FAM81B: variants seen among roughly 807,000 people sequenced by gnomAD.
The protein encoded by FAM81B is protein FAM81B.
In FAM81B, 60 loss-of-function variants were observed where a neutral mutation model predicts 58.7. The ratio of observed to expected loss-of-function variants is 1.02; its 90% CI spans 0.83 to 1.27. The LOEUF is 1.27. Among genes scored for constraint, FAM81B ranks in the 50% most tolerant of loss-of-function variants. FAM81B has a pLI of 0.00. For synonymous variants in FAM81B, 189 were observed against 179.6 expected (o/e 1.05, Z -0.42); for missense variants, 491 against 522.0 (o/e 0.94, Z 0.58).
intron 7 of FAM81B, among the ~76,000 whole-genome samples, chr5:95,446,355 G>T (rs1480669148): frequency 6.6e-6 from 1 of 152,040 alleles, no homozygotes; most frequent in East Asian, 1.9e-4. Context: ...ATGTAGAGGG[G>T]GTGTTAACAG....
In FAM81B at chr5:95,428,844, C is replaced by G. The variant is rs140667672; in HGVS notation, c.786+112C>G. ...AATTTTTTAAGAGAACTCTTTTCTT[C>G]CAAAGGGTGTAATTCTGACAGCTCA... On this transcript the variant is annotated intron_variant, in intron 6 of 9. Transcript: ENST00000283357. 5.7e-4 allele frequency: 808 copies of G among 1,429,892 alleles called. 3 individuals carry two copies. The highest frequency in any genetic ancestry group is 2.0e-3 in the Middle Eastern group (11 of 5,462). 88.6% of individuals were successfully genotyped at this position (1,429,892 alleles called of 1,614,324 possible). A position where few individuals can be genotyped will look rare whatever the true frequency, so the allele number is the denominator to read the frequency against.
In FAM81B at chr5:95,420,241, T is replaced by C. The variant is rs767049154; in HGVS notation, c.538-43T>C. 3.7e-6 allele frequency: 6 copies of C among 1,610,446 alleles called. No individual in the cohort carries two copies. In the African/African-American group the frequency reaches 5.3e-5, roughly 14 times the overall value. ...TGCTTTAAATGATGTTTCCTTATCATGTGTGATGGGAAATTAATGGGAAAT... is the reference window on the plus strand; with the variant it reads ...TGCTTTAAATGATGTTTCCTTATCACGTGTGATGGGAAATTAATGGGAAAT... On this transcript the variant is annotated intron_variant, in intron 4 of 9. Coordinates refer to ENST00000283357, the MANE Select transcript of FAM81B (RefSeq NM_152548.3).
In FAM81B at chr5:95,448,464, G is replaced by A; in HGVS notation, c.1225G>A (p.Gly409Arg). ...GACAATGCAGAATGAATATCAATCAGGTGAGCAGATACCTTTTATTAAGTA... is the reference window on the plus strand; with the variant it reads ...GACAATGCAGAATGAATATCAATCAAGTGAGCAGATACCTTTTATTAAGTA... ...LETMQNEYQSGFKSIHDSLSS... is the reference protein window; with the variant it reads ...LETMQNEYQSRFKSIHDSLSS... Residue 409 changes from glycine to arginine, a missense_variant and splice_region_variant, in exon 9 of 10, where the codon GGA becomes AGA. By Grantham distance (125) the Gly-to-Arg change is moderately radical. Transcript: ENST00000283357. 6.3e-7 allele frequency: 1 copy of A among 1,597,860 alleles called. No homozygotes were observed. The highest frequency in any genetic ancestry group is 2.2e-5 in the East Asian group (1 of 44,688).
chr5:95,426,523 C>T (rs1287319571), intron 5 of FAM81B, among the ~76,000 whole-genome samples: 3 of 152,116 alleles, frequency 2.0e-5, no homozygotes, highest in African/African-American at 4.8e-5. Context: ...AAATGCTTTG[C>T]GTGCATCACC....
intron 5 of FAM81B, among the ~76,000 whole-genome samples, chr5:95,422,574 C>A (rs1762715334): frequency 6.6e-6 from 1 of 151,764 alleles, no homozygotes; most frequent in African/African-American, 2.4e-5. Context: ...CCTCTGCCTC[C>A]CAGGTTCAAA....
At position 95,434,903 on chromosome 5, in the gene FAM81B, C is replaced by G. The variant is rs573858083; in HGVS notation, c.787-1897C>G. ...CACTTGTGTTAGTCCAGATCCTTTG[C>G]GAAGCAAATGCCATAAAGGAATTAA... On this transcript the variant is annotated intron_variant, in intron 6 of 9. Coordinates refer to ENST00000283357, the MANE Select transcript of FAM81B (RefSeq NM_152548.3). Among the ~76,000 whole-genome samples, 4 of 152,150 alleles carry G rather than the reference C, an allele frequency of 2.6e-5. No individual in the cohort carries two copies. In the East Asian group the frequency reaches 7.7e-4, roughly 29 times the overall value.
intron 9 of FAM81B, among the ~76,000 whole-genome samples, chr5:95,449,221 G>T (rs1408481929): frequency 1.3e-5 from 2 of 152,080 alleles, no homozygotes; most frequent in Non-Finnish European, 2.9e-5. Flanking sequence ...ATACCTTGGA[G>T]GTGCCTTGGG....
At chr5:95,405,627 C>A (rs1159639147) in intron 3 of FAM81B, among the ~76,000 whole-genome samples, 1 of 152,040 alleles carries the variant, frequency 6.6e-6, no homozygotes, top group African/African-American at 2.4e-5. Flanking sequence ...AGGTTAATTA[C>A]TTTTAAAAAG....
rs187442989 is a variant in FAM81B at position 95,426,716 on chromosome 5, T to A, written c.657-1887T>A. Among the ~76,000 whole-genome samples the A allele has an allele frequency of 2.6e-5, 4 of 152,278 alleles. No individual in the cohort carries two copies. In the East Asian group the frequency reaches 7.7e-4, roughly 29 times the overall value. On this transcript the variant is annotated intron_variant, in intron 5 of 9. Coordinates refer to ENST00000283357, the MANE Select transcript of FAM81B (RefSeq NM_152548.3). Reference sequence around the variant, plus strand: ...AGTGACCATGGCATCATTTCCCCTTTTTTTCAGATGAGGAAAACTGAAATC... The same window carrying A: ...AGTGACCATGGCATCATTTCCCCTTATTTTCAGATGAGGAAAACTGAAATC...
intron 6 of FAM81B, among the ~76,000 whole-genome samples, chr5:95,431,392 G>A (rs968912457): frequency 6.6e-6 from 1 of 151,940 alleles, no homozygotes; most frequent in Non-Finnish European, 1.5e-5. Context: ...TTTATATCTG[G>A]TAGGGCTAGT....
intron 3 of FAM81B, among the ~76,000 whole-genome samples, chr5:95,403,148 C>G (rs13171507): frequency 6.6e-6 from 1 of 152,064 alleles, no homozygotes; most frequent in Non-Finnish European, 1.5e-5. Flanking sequence ...ATCACCTATG[C>G]GCTTGCTTAA....
intron 3 of FAM81B, among the ~76,000 whole-genome samples, chr5:95,404,599 C>T (rs973682426): frequency 6.6e-6 from 1 of 151,716 alleles, no homozygotes; most frequent in Non-Finnish European, 1.5e-5. Flanking sequence ...CAAGCTGTGA[C>T]TTTATGGAGC....
At chr5:95,421,454 G>C (rs1033019268) in intron 5 of FAM81B, among the ~76,000 whole-genome samples, 1 of 152,190 alleles carries the variant, frequency 6.6e-6, no homozygotes, top group East Asian at 1.9e-4. Flanking sequence ...GGCCTACCTG[G>C]GAGAATGGCA....
chr5:95,404,422 A>G (rs1762192997), intron 3 of FAM81B, among the ~76,000 whole-genome samples: 1 of 152,160 alleles, frequency 6.6e-6, no homozygotes, highest in African/African-American at 2.4e-5. Flanking sequence ...TCCAGGTGAT[A>G]GAAAAGAAGA....
chr5:95,394,897 A>T lies in FAM81B; in HGVS notation c.229-1214A>T, dbSNP rs941040224. Among the ~76,000 whole-genome samples, 6 of 152,196 alleles carry T rather than the reference A, an allele frequency of 3.9e-5. No individual in the cohort carries two copies. In the East Asian group the frequency reaches 1.2e-3, roughly 29 times the overall value. On this transcript the variant is annotated intron_variant, in intron 2 of 9. Transcript: ENST00000283357. ...CCAATTAAGTTTCTTAAAACTTAAG[A>T]AGTAGTAATTCCTTGGGCATTTGAA... is the stretch of plus-strand genomic sequence containing the variant.
At chr5:95,427,225 C>A (rs1275895601) in intron 5 of FAM81B, among the ~76,000 whole-genome samples, 1 of 152,130 alleles carries the variant, frequency 6.6e-6, no homozygotes, top group Non-Finnish European at 1.5e-5. Flanking sequence ...GTGGTGGTAG[C>A]AGCAGCCACT....
chr5:95,415,385 A>C (rs1286807333), intron 4 of FAM81B, among the ~76,000 whole-genome samples: 1 of 152,216 alleles, frequency 6.6e-6, no homozygotes, highest in Non-Finnish European at 1.5e-5. Context: ...TTTGTTCTTA[A>C]GGGCAAGGAT....
chr5:95,442,999 T>C (rs7708307), intron 7 of FAM81B, among the ~76,000 whole-genome samples: 3,046 of 152,286 alleles, frequency 0.02, 104 homozygotes, highest in African/African-American at 0.07. Context: ...GTCAAAGCCC[T>C]ATCTAAGTTC....
intron 3 of FAM81B, among the ~76,000 whole-genome samples, chr5:95,400,436 A>G (rs1762080332): frequency 2.8e-5 from 1 of 35,220 alleles, no homozygotes; most frequent in African/African-American, 1.0e-4. Flanking sequence ...ACATACATAC[A>G]CACACACACA....
Sources: allele counts gnomAD v4.1 joint callset (sites outside exome capture counted in the v4.1 genomes callset), GRCh38; gene constraint gnomAD v4.1.1; transcripts MANE v1.5; gene names NCBI Gene and HGNC (gene_info 2026-07-23, HGNC 2026-07-21).